The following TPX2 variants were observed in gnomAD, a reference collection of about 807,000 sequenced individuals.
TPX2 encodes targeting protein for Xklp2.
A neutral mutation model predicts 93.6 loss-of-function variants in TPX2; 21 were observed. The observed-to-expected ratio is 0.22, with a 90% CI of 0.16 to 0.32. The LOEUF (loss-of-function observed/expected upper bound fraction) is 0.32. Among genes scored for constraint, TPX2 ranks in the 10% least tolerant of loss-of-function variants. The pLI is 1.00. For synonymous variants in TPX2, 281 were observed against 298.3 expected (o/e 0.94, Z 0.60); for missense variants, 776 against 871.1 (o/e 0.89, Z 1.37).
intron 15 of TPX2, 57 bp from the exon 16 acceptor site, chr20:31,797,347 G>C: frequency 1.4e-6 from 2 of 1,477,142 alleles, no homozygotes; most frequent in East Asian, 2.3e-5. Context: ...AAGTTATTGA[G>C]GTAGTGGTCA....
chr20:31,766,739 A>T, intron 5 of TPX2, 57 bp downstream of exon 5: 1 of 1,548,864 alleles, frequency 6.5e-7, no homozygotes, highest in Non-Finnish European at 8.8e-7. Context: ...AAGGATAGTT[A>T]CTGGACAGAA....
intron 16 of TPX2, 38 bp from the exon 17 acceptor site, chr20:31,798,327 T>C (rs1357441987): frequency 6.2e-7 from 1 of 1,613,298 alleles, no homozygotes; most frequent in Admixed American, 1.7e-5. Context: ...ATGCAAGTCC[T>C]GCTTGTGCAC....
At chr20:31,747,838 G>A (rs558751431) in intron 2 of TPX2, among the ~76,000 whole-genome samples, 1 of 149,070 alleles carries the variant, frequency 6.7e-6, no homozygotes, top group Non-Finnish European at 1.5e-5. Flanking sequence ...GACGCAGGAA[G>A]GCATCCAGTT....
At position 31,782,279 on chromosome 20, in the gene TPX2, A is replaced by G. The variant is rs764826825; in HGVS notation, c.1085A>G (p.Lys362Arg). 5.6e-6 allele frequency: 9 copies of G among 1,612,800 alleles called. No individual in the cohort carries two copies. The Admixed American group carries it at 1.5e-4, about 27-fold the overall frequency. ...NLLPSKSSVTKICRDPQTPVL... is the reference protein window; with the variant it reads ...NLLPSKSSVTRICRDPQTPVL... ...TTACCCTCCAAATCTTCTGTGACCA[A>G]GATTTGCAGAGACCCACAGACTCCT... Residue 362 changes from lysine (K) to arginine (R), a missense_variant, in exon 11 of 18, where the codon AAG (lysine) becomes AGG (arginine). By Grantham distance (26) the Lys-to-Arg change is conservative. This residue lies in a region of TPX2 where 461 missense variants were observed against 551.2 expected (regional missense o/e 0.84). Transcript: ENST00000300403.
At chr20:31,793,817 T>C (rs1467675378) in intron 13 of TPX2, 31 bp from the exon 14 acceptor site, 2 of 1,532,450 alleles carry the variant, frequency 1.3e-6, no homozygotes. Flanking sequence ...GAGTGAGGAG[T>C]CTTATTTCTA....
In TPX2 at chr20:31,773,143, AT is replaced by A. The variant is rs769516478; in HGVS notation, c.608+1485del. Among the ~76,000 whole-genome samples the A allele has an allele frequency of 5.5e-3, 566 of 102,364 alleles. 1 individual carries two copies. The highest frequency in any genetic ancestry group is 0.018 in the African/African-American group (451 of 25,194). The allele number at this position is 102,364 out of a possible 152,430, so 67.2% of individuals were successfully genotyped here. A position where few individuals can be genotyped will look rare whatever the true frequency, so the allele number is the denominator to read the frequency against. ...AGGCATGCATCACCACACCCGGCTA[AT>A]TTTTTTTTTTTTTTTTTTTTTTTGT... On this transcript the variant is annotated intron_variant, in intron 7 of 17. Coordinates refer to ENST00000300403, the MANE Select transcript of TPX2 (RefSeq NM_012112.5).
intron 8 of TPX2, 82 bp downstream of exon 8, chr20:31,776,070 T>TTTTG (rs2061996630): frequency 2.0e-6 from 1 of 510,904 alleles, no homozygotes; most frequent in Non-Finnish European, 2.4e-6. Context: ...TTTTTTTTTT[T>TTTTG]TTTTTTTTTT....
chr20:31,777,521 C>G lies in TPX2; in HGVS notation c.765C>G (p.Thr255=). ...TGAAGAAATCAGTGAGCCAGGTCAC[C>G]AAATCAGTTGACTTCCACTTCCGCA... ...QPVKKSVSQV[T]KSVDFHFRTD... The change falls in exon 9 of 18, where the codon ACC becomes ACG. Residue 255 remains threonine (T), a synonymous_variant. Coordinates refer to ENST00000300403, the MANE Select transcript of TPX2 (RefSeq NM_012112.5). 4 of 1,613,992 alleles carry G rather than the reference C, an allele frequency of 2.5e-6. No homozygotes were observed. Among genetic ancestry groups the G allele is most frequent in the Non-Finnish European group, 3.4e-6 (4 of 1,179,946 alleles).
At chr20:31,755,237 C>T (rs994813765) in intron 2 of TPX2, among the ~76,000 whole-genome samples, 4 of 150,868 alleles carry the variant, frequency 2.7e-5, no homozygotes, top group African/African-American at 4.9e-5. Context: ...CGTGAGCCAC[C>T]GTGCCCGGCC....
intron 2 of TPX2, among the ~76,000 whole-genome samples, chr20:31,750,092 G>A (rs908144128): frequency 2.7e-5 from 4 of 147,446 alleles, no homozygotes; most frequent in Admixed American, 6.7e-5. Flanking sequence ...CGCATGCCAC[G>A]ATGCCCAGCT....
intron 8 of TPX2, among the ~76,000 whole-genome samples, chr20:31,777,111 A>G (rs764960520): frequency 3.3e-5 from 5 of 152,198 alleles, no homozygotes; most frequent in African/African-American, 4.8e-5. Context: ...CCTGGAGTTT[A>G]TAGGATTTTC....
Position 31,757,414 on chromosome 20 carries a change from C to A in TPX2, c.-63C>A, listed in dbSNP as rs2061858773. On this transcript the variant is annotated 5_prime_UTR_variant, in exon 3 of 18. Coordinates refer to ENST00000300403, the MANE Select transcript of TPX2 (RefSeq NM_012112.5). ...AACCATTTCTTTCCTCAGAAGGTGACCTGCTGAGAAAAGTGGTACAAATAC... is the reference window on the plus strand; with the variant it reads ...AACCATTTCTTTCCTCAGAAGGTGAACTGCTGAGAAAAGTGGTACAAATAC... 1.5e-6 allele frequency: 2 copies of A among 1,315,448 alleles called. No individual in the cohort carries two copies. Among genetic ancestry groups the A allele is most frequent in the South Asian group, 2.5e-5 (2 of 80,920 alleles). 81.5% of individuals were successfully genotyped at this position (1,315,448 alleles called of 1,614,324 possible).
intron 11 of TPX2, 144 bp from the exon 12 acceptor site, chr20:31,783,561 C>T (rs953341758): frequency 2.4e-5 from 20 of 830,442 alleles, no homozygotes; most frequent in Non-Finnish European, 3.1e-5. Flanking sequence ...CATTGTTTTT[C>T]GTTTTTATTT....
intron 4 of TPX2, among the ~76,000 whole-genome samples, chr20:31,761,903 C>G (rs987554929): frequency 1.3e-5 from 2 of 152,140 alleles, no homozygotes; most frequent in Non-Finnish European, 2.9e-5. Flanking sequence ...TTCTCTGCAT[C>G]CTCAGGGATG....
intron 16 of TPX2, 40 bp downstream of exon 16, chr20:31,797,555 G>A: frequency 6.4e-7 from 1 of 1,563,068 alleles, no homozygotes; most frequent in African/African-American, 1.4e-5. Context: ...GGGCAGAATT[G>A]TCAGACTTCC....
chr20:31,792,642 C>CT, intron 12 of TPX2, 93 bp from the exon 13 acceptor site: 1 of 1,239,960 alleles, frequency 8.1e-7, no homozygotes, highest in South Asian at 1.2e-5. Flanking sequence ...GAGACCCTGT[C>CT]TCTACCCAAA....
At chr20:31,741,670 G>A (rs1024876555) in intron 1 of TPX2, among the ~76,000 whole-genome samples, 4 of 152,098 alleles carry the variant, frequency 2.6e-5, no homozygotes, top group Admixed American at 6.6e-5. Context: ...TAATAGAGAT[G>A]GGGTTTCACC....
chr20:31,757,598 C>T lies in TPX2; in HGVS notation c.106+16C>T, dbSNP rs769720457. 6.2e-7 allele frequency: 1 copy of T among 1,602,612 alleles called. No homozygotes were observed. The highest frequency in any genetic ancestry group is 1.7e-5 in the Admixed American group (1 of 59,854). On this transcript the variant is annotated intron_variant, in intron 3 of 17. Transcript: ENST00000300403. ...TCATGGTTTGGTAAGTGCCTGCTTT[C>T]TCTGGCTATTTTAAGGATTAGTGGC...
chr20:31,774,984 G>T (rs987031007), intron 7 of TPX2, among the ~76,000 whole-genome samples: 2 of 152,118 alleles, frequency 1.3e-5, no homozygotes, highest in African/African-American at 4.8e-5. Context: ...TTTGGAGATG[G>T]AGTCTCACTC....
Sources: gnomAD v4.1 joint callset for allele counts (sites outside exome capture counted in the v4.1 genomes callset) on GRCh38, gnomAD v4.1.1 for gene constraint, gnomAD v4.1.1 regional missense constraint, MANE v1.5 for transcripts, NCBI Gene and HGNC (gene_info 2026-07-23, HGNC 2026-07-21) for gene names.